The following RAPGEF2 variants were observed in gnomAD, a reference collection of about 807,000 sequenced individuals.
The protein encoded by RAPGEF2 is PDZ domain containing guanine nucleotide exchange factor (GEF) 1.
In RAPGEF2, 54 loss-of-function variants were observed where a neutral mutation model predicts 186.7. The observed-to-expected ratio is 0.29, with a 90% CI of 0.23 to 0.36. The LOEUF (loss-of-function observed/expected upper bound fraction) is 0.36. Ranked by LOEUF, RAPGEF2 falls within the 10% of genes least tolerant of loss-of-function variation. The pLI, the probability that RAPGEF2 is intolerant of heterozygous loss-of-function variation, is 1.00. For missense variants in RAPGEF2, 1,532 were observed against 2,045.0 expected, an observed-to-expected ratio of 0.75 and a Z score of 4.84; for synonymous variants, 712 against 705.9, an observed-to-expected ratio of 1.01 and a Z score of -0.14.
At chr4:159,273,377 A>G (rs57659423) in intron 7 of RAPGEF2, among the ~76,000 whole-genome samples, 5,406 of 152,330 alleles carry the variant, frequency 0.035, 326 homozygotes, top group African/African-American at 0.12. Flanking sequence ...CTCTGCTTAT[A>G]TGTGCTTTTT....
In RAPGEF2 at chr4:159,311,086, T is replaced by C. The variant is rs147203546; in HGVS notation, c.676-3505T>C. 5.7e-3 allele frequency among the ~76,000 whole-genome samples: 864 copies of C among 152,310 alleles called. 8 individuals carry two copies. Among genetic ancestry groups the C allele is most frequent in the Non-Finnish European group, 9.3e-3 (634 of 68,008 alleles). On this transcript the variant is annotated intron_variant, in intron 8 of 29. Transcript: ENST00000691494. ...TGATTTTGAGTCCTAGCACAGTTAC[T>C]GTGTTTTGTTTTGCTTACATTGAAC... is the stretch of plus-strand genomic sequence containing the variant.
chr4:159,147,232 A>G (rs1037207845), intron 1 of RAPGEF2, among the ~76,000 whole-genome samples: 1 of 152,236 alleles, frequency 6.6e-6, no homozygotes, highest in Non-Finnish European at 1.5e-5. Context: ...AACACAAAGA[A>G]TTTTTACAAC....
intron 1 of RAPGEF2, among the ~76,000 whole-genome samples, chr4:159,104,940 A>G (rs1414289450): frequency 6.6e-6 from 1 of 152,230 alleles, no homozygotes; most frequent in African/African-American, 2.4e-5. Flanking sequence ...CAGAGCAGGC[A>G]TGTTCCAGTA....
At chr4:159,273,224 G>A (rs1031471985) in intron 7 of RAPGEF2, among the ~76,000 whole-genome samples, 1 of 152,196 alleles carries the variant, frequency 6.6e-6, no homozygotes, top group Admixed American at 6.5e-5. Context: ...GGACTGAGAG[G>A]AAGCATATCC....
At chr4:159,156,076 A>G (rs1311421557) in intron 1 of RAPGEF2, among the ~76,000 whole-genome samples, 1 of 152,186 alleles carries the variant, frequency 6.6e-6, no homozygotes, top group Non-Finnish European at 1.5e-5. Flanking sequence ...TAGGTCAGGG[A>G]ACTAAGGATG....
At position 159,178,239 on chromosome 4, in the gene RAPGEF2, G is replaced by T. The variant is rs568966579; in HGVS notation, c.70-8403G>T. On this transcript the variant is annotated intron_variant, in intron 1 of 29. Coordinates refer to ENST00000691494, the MANE Select transcript of RAPGEF2 (RefSeq NM_001394067.2). ...CCCCCACCCCATTATTTTTTGTTGT[G>T]TACAAGCAGCAAAGAGTCTATACAG... Among the ~76,000 whole-genome samples, 70 of 151,990 alleles carry T rather than the reference G, an allele frequency of 4.6e-4. 1 individual carries two copies. The highest frequency in any genetic ancestry group is 9.1e-4 in the Non-Finnish European group (62 of 68,008).
chr4:159,347,869 C>CT (rs921959014), intron 25 of RAPGEF2, among the ~76,000 whole-genome samples: 6 of 151,864 alleles, frequency 4.0e-5, no homozygotes, highest in Non-Finnish European at 8.8e-5. Flanking sequence ...TGTACACCTT[C>CT]TTTTTTTTCT....
chr4:159,244,132 G>A (rs957759223), intron 7 of RAPGEF2, among the ~76,000 whole-genome samples: 7 of 151,816 alleles, frequency 4.6e-5, no homozygotes, highest in Non-Finnish European at 8.8e-5. Flanking sequence ...CAGACATAAA[G>A]GATTTTTTTT....
chr4:159,232,254 C>G (rs1398842428), intron 4 of RAPGEF2, among the ~76,000 whole-genome samples: 2 of 152,198 alleles, frequency 1.3e-5, no homozygotes, highest in African/African-American at 4.8e-5. Context: ...TCTGTAACTC[C>G]AGATGGAAAC....
intron 1 of RAPGEF2, among the ~76,000 whole-genome samples, chr4:159,181,226 C>G (rs1746976197): frequency 6.6e-6 from 1 of 152,134 alleles, no homozygotes; most frequent in Non-Finnish European, 1.5e-5. Context: ...TATTTCAAGG[C>G]CTTTTGTTCT....
intron 7 of RAPGEF2, among the ~76,000 whole-genome samples, chr4:159,273,646 C>G (rs1758425489): frequency 7.5e-6 from 1 of 132,914 alleles, no homozygotes; most frequent in African/African-American, 2.9e-5. Flanking sequence ...TTCTTTCTTT[C>G]TTTCTTTCTT....
chr4:159,254,394 G>T (rs1475126115), intron 7 of RAPGEF2, among the ~76,000 whole-genome samples: 1 of 152,116 alleles, frequency 6.6e-6, no homozygotes, highest in African/African-American at 2.4e-5. Context: ...GAGTCTTGGG[G>T]ACCCTCAGGG....
At chr4:159,209,191 CA>C (rs146288884) in intron 3 of RAPGEF2, among the ~76,000 whole-genome samples, 4,504 of 103,618 alleles carry the variant, frequency 0.043, 95 homozygotes, top group African/African-American at 0.15. Context: ...CATGCCCAGC[CA>C]AAAAAAAAAA....
At chr4:159,227,535 CT>C (rs1283716735) in intron 4 of RAPGEF2, among the ~76,000 whole-genome samples, 3 of 152,200 alleles carry the variant, frequency 2.0e-5, no homozygotes, top group African/African-American at 7.2e-5. Context: ...CAGCTGCCAT[CT>C]GTGTACAAAG....
intron 24 of RAPGEF2, 124 bp from the exon 25 acceptor site, chr4:159,346,661 GAAGA>G (rs1730351348): frequency 1.3e-6 from 1 of 782,920 alleles, no homozygotes; most frequent in East Asian, 2.5e-5. Flanking sequence ...AAGGCAACAG[GAAGA>G]AAGGTGTGCA....
intron 1 of RAPGEF2, among the ~76,000 whole-genome samples, chr4:159,151,828 G>A (rs13149364): frequency 6.6e-6 from 1 of 152,136 alleles, no homozygotes; most frequent in Admixed American, 6.5e-5. Context: ...TGCATCTTAG[G>A]AATAAACAGT....
intron 26 of RAPGEF2, 143 bp downstream of exon 26, chr4:159,350,432 T>TC (rs1304242000): frequency 3.2e-6 from 2 of 622,084 alleles, no homozygotes; most frequent in African/African-American, 3.8e-5. Flanking sequence ...GGATTTTTTT[T>TC]CCCTCAGTTT....
chr4:159,104,109 C>G lies in RAPGEF2; in HGVS notation c.-54C>G, dbSNP rs1467438778. ...GGCGGAGGCAGCAGCGGCGCTGGGCCGGGAGGAGGCCGGCCAGGGTGCGGA... is the reference window on the plus strand; with the variant it reads ...GGCGGAGGCAGCAGCGGCGCTGGGCGGGGAGGAGGCCGGCCAGGGTGCGGA... On this transcript the variant is annotated 5_prime_UTR_variant, in exon 1 of 30. Coordinates refer to ENST00000691494, the MANE Select transcript of RAPGEF2 (RefSeq NM_001394067.2). 2.3e-6 allele frequency: 3 copies of G among 1,282,716 alleles called. No homozygotes were observed. The highest frequency in any genetic ancestry group is 2.1e-6 in the Non-Finnish European group (2 of 960,174). 79.5% of individuals were successfully genotyped at this position (1,282,716 alleles called of 1,614,324 possible).
intron 8 of RAPGEF2, among the ~76,000 whole-genome samples, chr4:159,307,631 A>G (rs1180804822): frequency 1.3e-5 from 2 of 152,224 alleles, no homozygotes; most frequent in Non-Finnish European, 2.9e-5. Context: ...TCAAATAAAT[A>G]CAAACTTGGA....
Sources: gnomAD v4.1 joint callset for allele counts (sites outside exome capture counted in the v4.1 genomes callset) on GRCh38, gnomAD v4.1.1 for gene constraint, MANE v1.5 for transcripts, NCBI Gene and HGNC (gene_info 2026-07-23, HGNC 2026-07-21) for gene names.